Variants in ZNF197 observed in about 807,000 individuals in gnomAD.
The protein encoded by ZNF197 is zinc finger protein 197.
A neutral mutation model predicts 27.4 loss-of-function variants in ZNF197; 14 were observed. The ratio of observed to expected loss-of-function variants is 0.51; its 90% CI spans 0.34 to 0.80. The LOEUF is 0.80. Among genes scored for constraint, ZNF197 ranks in the 30% least tolerant of loss-of-function variants. The pLI is 0.02. For missense variants in ZNF197, 1,090 were observed against 1,222.6 expected (o/e 0.89, Z 1.62); for synonymous variants, 415 against 420.0 (o/e 0.99, Z 0.15).
At position 44,643,877 on chromosome 3, in the gene ZNF197, A is replaced by G. The variant is rs760636396; in HGVS notation, c.2747A>G (p.Asn916Ser). 1 of 1,613,494 alleles carries G rather than the reference A, an allele frequency of 6.2e-7. No individual in the cohort carries two copies. The highest frequency in any genetic ancestry group is 1.3e-5 in the African/African-American group (1 of 74,846). ...GGAAAAGACTTTAGTCAGAATAAAA[A>G]CCTTGTTGTACATCAGAGAATGCAC... ...ECGKDFSQNK[N>S]LVVHQRMHTG... Residue 916 changes from asparagine (N) to serine (S), a missense_variant, in exon 6 of 6, where the codon AAC becomes AGC. Coordinates refer to ENST00000344387, the MANE Select transcript of ZNF197 (RefSeq NM_006991.5).
At position 44,644,013 on chromosome 3, in the gene ZNF197, T is replaced by C; in HGVS notation, c.2883T>C (p.Asn961=). The change falls in exon 6 of 6, where the codon AAT becomes AAC. Residue 961 remains asparagine (N), a synonymous_variant. Transcript: ENST00000344387. ...CAGGGGAGAAACCCTATGGGTGTAA[T>C]GATTGTAGTAAAGTTTTTAGGCAAA... ...IHTGEKPYGC[N]DCSKVFRQRK... is the part of the protein sequence containing the mutation. 6.2e-7 allele frequency: 1 copy of C among 1,614,122 alleles called. No individual in the cohort carries two copies. The highest frequency in any genetic ancestry group is 8.5e-7 in the Non-Finnish European group (1 of 1,180,016).
Position 44,629,306 on chromosome 3 carries a change from A to G in ZNF197, c.152A>G (p.His51Arg), listed in dbSNP as rs145699411. ...SHLHFRQLRY[H>R]ETSGPQEALS... ...CTACACTTTAGACAATTACGTTACC[A>G]TGAGACATCTGGACCCCAGGAAGCC... is the stretch of plus-strand genomic sequence containing the variant. Residue 51 changes from histidine (H) to arginine (R), a missense_variant, in exon 2 of 6, where the codon CAT becomes CGT. His to Arg is a conservative substitution (Grantham distance 29). Transcript: ENST00000344387. 2.5e-6 allele frequency: 4 copies of G among 1,614,026 alleles called. No individual in the cohort carries two copies. Among genetic ancestry groups the G allele is most frequent in the Non-Finnish European group, 3.4e-6 (4 of 1,180,026 alleles).
At chr3:44,631,554 C>A (rs1702000608) in intron 3 of ZNF197, among the ~76,000 whole-genome samples, 1 of 151,936 alleles carries the variant, frequency 6.6e-6, no homozygotes, top group South Asian at 2.1e-4. Flanking sequence ...GTGCCCGCCA[C>A]TGTGCCCGGC....
chr3:44,635,126 C>T (rs1702211377), intron 5 of ZNF197, among the ~76,000 whole-genome samples: 1 of 150,276 alleles, frequency 6.7e-6, no homozygotes, highest in South Asian at 2.1e-4. Context: ...ATACCTCATG[C>T]TGTATACTAA....
At chr3:44,625,796 A>C (rs1701625680) in intron 1 of ZNF197, among the ~76,000 whole-genome samples, 1 of 150,126 alleles carries the variant, frequency 6.7e-6, no homozygotes, top group African/African-American at 2.5e-5. Context: ...ACTCATTGCC[A>C]ACCTGTCAGC....
At position 44,642,510 on chromosome 3, in the gene ZNF197, A is replaced by C; in HGVS notation, c.1380A>C (p.Gly460=). 1.9e-6 allele frequency: 3 copies of C among 1,614,030 alleles called. No homozygotes were observed. Among genetic ancestry groups the C allele is most frequent in the Non-Finnish European group, 2.5e-6 (3 of 1,179,970 alleles). The change falls in exon 6 of 6, where the codon GGA becomes GGC. Residue 460 remains glycine, a synonymous_variant. Transcript: ENST00000344387. ...GEKPYKCKEC[G]KGFYRHSGLI... ...AACCTTATAAGTGTAAGGAGTGTGGAAAGGGCTTCTATAGGCACTCAGGCC... is the reference window on the plus strand; with the variant it reads ...AACCTTATAAGTGTAAGGAGTGTGGCAAGGGCTTCTATAGGCACTCAGGCC...
rs369788111 is a variant in ZNF197, at chr3:44,632,455, A to G, written c.643-18A>G. 38 of 1,571,354 alleles carry G rather than the reference A, an allele frequency of 2.4e-5. No individual in the cohort carries two copies. The highest frequency in any genetic ancestry group is 3.2e-5 in the Non-Finnish European group (37 of 1,161,240). On this transcript the variant is annotated intron_variant, in intron 4 of 5. Transcript: ENST00000344387. ...AGTTCCTGGGCATTGGTAATCTCACACACACTTGTTATTTCAGGAGTTGGT... is the reference window on the plus strand; with the variant it reads ...AGTTCCTGGGCATTGGTAATCTCACGCACACTTGTTATTTCAGGAGTTGGT...
rs528517879 is a variant in ZNF197, at chr3:44,631,478, G to A, written c.550+257G>A. On this transcript the variant is annotated intron_variant, in intron 3 of 5. Transcript: ENST00000344387. ...TGCAGTGGCGCGATCTCAGCTCACT[G>A]CAACCTCCGCCTCCTGGGTTTACGC... Among the ~76,000 whole-genome samples the A allele has an allele frequency of 1.2e-3, 185 of 151,686 alleles. 1 individual carries two copies. Among genetic ancestry groups the A allele is most frequent in the African/African-American group, 4.3e-3 (179 of 41,336 alleles).
rs1243070280 is a variant in ZNF197, at chr3:44,644,276, T to G, written c.*56T>G. 10 of 1,524,936 alleles carry G rather than the reference T, an allele frequency of 6.6e-6. No homozygotes were observed. In the East Asian group the frequency reaches 2.3e-4, roughly 35 times the overall value. 94.5% of individuals were successfully genotyped at this position (1,524,936 alleles called of 1,614,324 possible). A position where few individuals can be genotyped will look rare whatever the true frequency, so the allele number is the denominator to read the frequency against. On this transcript the variant is annotated 3_prime_UTR_variant, in exon 6 of 6. Coordinates refer to ENST00000344387, the MANE Select transcript of ZNF197 (RefSeq NM_006991.5). ...CCTACTTAAGTAACTGTTGGACAAA[T>G]GATATATATTTCTTCTAAGGAAAAA...
chr3:44,641,712 A>T (rs1702610826), intron 5 of ZNF197, among the ~76,000 whole-genome samples, 188 bp from the exon 6 acceptor site: 1 of 152,230 alleles, frequency 6.6e-6, no homozygotes, highest in South Asian at 2.1e-4. Flanking sequence ...CCTGAGTTGT[A>T]TGTTAATCCA....
In ZNF197 at chr3:44,647,044, T is replaced by C. The variant is rs1159923579; in HGVS notation, c.*2824T>C. 1 of 152,228 alleles carries C rather than the reference T, an allele frequency of 6.6e-6. No homozygotes were observed. Among genetic ancestry groups the C allele is most frequent in the Admixed American group, 6.5e-5 (1 of 15,278 alleles). The allele number at this position is 152,228 out of a possible 1,614,324, so 9.4% of individuals were successfully genotyped here. ...CCTGTAAGAGACCTTTTTACAAAGA[T>C]GATATTACAGGTTGGGAAAAAATAT... On this transcript the variant is annotated 3_prime_UTR_variant, in exon 6 of 6. Coordinates refer to ENST00000344387, the MANE Select transcript of ZNF197 (RefSeq NM_006991.5).
Position 44,632,477 on chromosome 3 carries a change from T to C in ZNF197, c.647T>C (p.Leu216Ser). 6.3e-7 allele frequency: 1 copy of C among 1,587,502 alleles called. No individual in the cohort carries two copies. The highest frequency in any genetic ancestry group is 1.2e-5 in the South Asian group (1 of 86,004). ...LMLLTAQPQE[L>S]VMFEEVSVCF... ...CACACACACTTGTTATTTCAGGAGT[T>C]GGTGATGTTCGAGGAGGTGTCAGTA... Residue 216 changes from leucine (L) to serine (S), a missense_variant, in exon 5 of 6, where the codon TTG becomes TCG. Transcript: ENST00000344387.
At chr3:44,629,668 C>A in intron 2 of ZNF197, 124 bp downstream of exon 2, 2 of 1,244,702 alleles carry the variant, frequency 1.6e-6, no homozygotes, top group East Asian at 2.7e-5. Context: ...CACTAGCAAC[C>A]TTAATGATAA....
intron 1 of ZNF197, among the ~76,000 whole-genome samples, chr3:44,625,359 CTG>C (rs1369583946): frequency 2.0e-5 from 3 of 152,328 alleles, no homozygotes; most frequent in East Asian, 1.9e-4. Context: ...AGCTCCGAGT[CTG>C]TGTGTGTTTG....
Position 44,632,551 on chromosome 3 carries a change from T to C in ZNF197, c.721T>C (p.Leu241=), listed in dbSNP as rs773291679. The part of the protein sequence containing the change: ...WACLGPIQRA[L]YWDVMLENYG... ...ATGTCTGGGCCCAATCCAGAGGGCC[T>C]TGTACTGGGATGTGATGCTGGAGAA... The change falls in exon 5 of 6, where the codon TTG becomes CTG. Residue 241 remains leucine, a synonymous_variant. Coordinates refer to ENST00000344387, the MANE Select transcript of ZNF197 (RefSeq NM_006991.5). 6.2e-7 allele frequency: 1 copy of C among 1,607,840 alleles called. No individual in the cohort carries two copies. The highest frequency in any genetic ancestry group is 1.1e-5 in the South Asian group (1 of 89,998).
chr3:44,642,768 C>G lies in ZNF197; in HGVS notation c.1638C>G (p.Thr546=). The change falls in exon 6 of 6, where the codon ACC becomes ACG. Residue 546 remains threonine, a synonymous_variant. Coordinates refer to ENST00000344387, the MANE Select transcript of ZNF197 (RefSeq NM_006991.5). ...ATAAATGTGATGAATGTGGAAAGAC[C>G]TTTGCTCAGACCACTTATCTTATTG... ...KPYKCDECGK[T]FAQTTYLIDH... is the part of the protein sequence containing the mutation. 6.2e-7 allele frequency: 1 copy of G among 1,613,618 alleles called. No individual in the cohort carries two copies. The highest frequency in any genetic ancestry group is 2.2e-5 in the East Asian group (1 of 44,868).
At chr3:44,633,872 A>G (rs1702136048) in intron 5 of ZNF197, among the ~76,000 whole-genome samples, 1 of 152,124 alleles carries the variant, frequency 6.6e-6, no homozygotes, top group African/African-American at 2.4e-5. Context: ...GCATATATGA[A>G]AGTACTTTTT....
chr3:44,644,292 T>C lies in ZNF197; in HGVS notation c.*72T>C. 6.6e-7 allele frequency: 1 copy of C among 1,506,228 alleles called. No homozygotes were observed. Among genetic ancestry groups the C allele is most frequent in the Non-Finnish European group, 8.8e-7 (1 of 1,132,972 alleles). The allele number at this position is 1,506,228 out of a possible 1,614,324, so 93.3% of individuals were successfully genotyped here. A position where few individuals can be genotyped will look rare whatever the true frequency, so the allele number is the denominator to read the frequency against. Reference sequence around the variant, plus strand: ...TTGGACAAATGATATATATTTCTTCTAAGGAAAAAGTTTATTATTTACTCT... The same window carrying C: ...TTGGACAAATGATATATATTTCTTCCAAGGAAAAAGTTTATTATTTACTCT... On this transcript the variant is annotated 3_prime_UTR_variant, in exon 6 of 6. Transcript: ENST00000344387.
chr3:44,625,083 T>G lies in ZNF197; in HGVS notation c.-142T>G, dbSNP rs1051012329. ...CGGAAGGGCTCGTTCCTGTGTCATCTCCTAGCGGCCTGGCGCCGAGGCGGC... is the reference window on the plus strand; with the variant it reads ...CGGAAGGGCTCGTTCCTGTGTCATCGCCTAGCGGCCTGGCGCCGAGGCGGC... On this transcript the variant is annotated 5_prime_UTR_variant, in exon 1 of 6. Transcript: ENST00000344387. 2.6e-5 allele frequency: 4 copies of G among 152,114 alleles called. No homozygotes were observed. Among genetic ancestry groups the G allele is most frequent in the East Asian group, 1.9e-4 (1 of 5,180 alleles). The allele number at this position is 152,114 out of a possible 1,614,324, so 9.4% of individuals were successfully genotyped here. A position where few individuals can be genotyped will look rare whatever the true frequency, so the allele number is the denominator to read the frequency against.
Sources: gnomAD v4.1 joint callset for allele counts (sites outside exome capture counted in the v4.1 genomes callset) on GRCh38, gnomAD v4.1.1 for gene constraint, MANE v1.5 for transcripts, NCBI Gene and HGNC (gene_info 2026-07-23, HGNC 2026-07-21) for gene names.